Variants in LPP observed in about 807,000 individuals in gnomAD.
LPP encodes the protein lipoma-preferred partner.
In LPP, 38 loss-of-function variants were observed where a neutral mutation model predicts 60.4. That is an observed-to-expected ratio of 0.63 (90% CI 0.49 to 0.83). The LOEUF (loss-of-function observed/expected upper bound fraction) is 0.83, where lower values mean the gene tolerates loss of function less well. LPP is among the 40% of genes least tolerant of loss of function. The probability of loss-of-function intolerance (pLI) is 0.00; values close to 1 mark genes in which losing one functional copy is unlikely to be tolerated. For synonymous variants in LPP, 328 were observed against 290.8 expected (o/e 1.13, Z -1.30); for missense variants, 902 against 783.6 (o/e 1.15, Z -1.80).
chr3:188,311,675 G>T (rs1753501187), intron 2 of LPP, among the ~76,000 whole-genome samples: 1 of 150,106 alleles, frequency 6.7e-6, no homozygotes, highest in African/African-American at 2.5e-5. Flanking sequence ...CTGTCTTGCT[G>T]TCACCCAGGC....
intron 7 of LPP, among the ~76,000 whole-genome samples, chr3:188,680,104 T>C (rs191457485): frequency 3.9e-5 from 6 of 152,242 alleles, no homozygotes; most frequent in African/African-American, 1.4e-4. Flanking sequence ...TTTTGAAAAA[T>C]TGCTATTTTA....
chr3:188,694,978 G>A (rs1053209711), intron 7 of LPP, among the ~76,000 whole-genome samples: 1 of 152,176 alleles, frequency 6.6e-6, no homozygotes, highest in Non-Finnish European at 1.5e-5. Context: ...AGGCACTTTT[G>A]TTGCGGTTAA....
At position 188,872,642 on chromosome 3, in the gene LPP, G is replaced by C; in HGVS notation, c.1590-1G>C. ...AACCAGAACTCTCTCTTCACTTTCA[G>C]GAAATTTGCCCCGCGATGTTCTGTG... On this transcript the variant is annotated splice_acceptor_variant, in intron 10 of 11. Transcript: ENST00000617246. LOFTEE classifies it high-confidence loss of function. 6.2e-7 allele frequency: 1 copy of C among 1,614,076 alleles called. No homozygotes were observed.
At chr3:188,362,370 GTCT>G (rs1021029971) in intron 3 of LPP, among the ~76,000 whole-genome samples, 1 of 152,102 alleles carries the variant, frequency 6.6e-6, no homozygotes, top group African/African-American at 2.4e-5. Context: ...TTTTGTGTTT[GTCT>G]TCTTCTTTAC....
intron 3 of LPP, among the ~76,000 whole-genome samples, chr3:188,374,970 G>A (rs1276981192): frequency 1.3e-5 from 2 of 151,948 alleles, no homozygotes; most frequent in Non-Finnish European, 2.9e-5. Flanking sequence ...ATAATCATGT[G>A]GTTTTTGTCT....
At chr3:188,246,025 G>A (rs565732674) in intron 2 of LPP, among the ~76,000 whole-genome samples, 2 of 152,198 alleles carry the variant, frequency 1.3e-5, no homozygotes, top group East Asian at 3.9e-4. Context: ...CCATAAAATC[G>A]TGTGAAATGA....
intron 6 of LPP, among the ~76,000 whole-genome samples, chr3:188,526,731 A>G (rs898073596): frequency 6.6e-6 from 1 of 152,186 alleles, no homozygotes; most frequent in Non-Finnish European, 1.5e-5. Context: ...TCCTGTGAGC[A>G]GTAAAAATAT....
chr3:188,448,364 A>AGAT (rs1216099102), intron 4 of LPP, among the ~76,000 whole-genome samples: 66 of 2,382 alleles, frequency 0.028, no homozygotes, highest in Admixed American at 0.16. Context: ...AACACATAAT[A>AGAT]GATAATAATA....
intron 2 of LPP, among the ~76,000 whole-genome samples, chr3:188,231,685 C>T (rs1720036431): frequency 6.6e-6 from 1 of 151,834 alleles, no homozygotes; most frequent in Admixed American, 6.6e-5. Context: ...CAGCTCCTCT[C>T]TGTGCCCCGC....
intron 8 of LPP, among the ~76,000 whole-genome samples, chr3:188,738,106 G>A (rs1399442908): frequency 6.6e-6 from 1 of 151,916 alleles, no homozygotes; most frequent in Non-Finnish European, 1.5e-5. Context: ...ATTTGAGTAG[G>A]ATATTGGAAT....
intron 1 of LPP, among the ~76,000 whole-genome samples, chr3:188,220,716 C>T (rs1449280264): frequency 1.3e-5 from 2 of 152,184 alleles, no homozygotes; most frequent in African/African-American, 4.8e-5. Context: ...TCACTGAAGG[C>T]AGAGTGGTAG....
chr3:188,625,009 T>G (rs757269409), intron 7 of LPP, among the ~76,000 whole-genome samples: 8 of 152,108 alleles, frequency 5.3e-5, no homozygotes. Context: ...GAGGGAAGTC[T>G]TAGGTTTCTA....
chr3:188,474,389 A>AATGCATTGACAATGCATTGAC (rs1553907952), intron 4 of LPP, among the ~76,000 whole-genome samples: 3 of 151,362 alleles, frequency 2.0e-5, no homozygotes, highest in East Asian at 2.0e-4. Flanking sequence ...TGTCATTGAC[A>AATGCATTGACAATGCATTGAC]ATGCATTGAC....
At chr3:188,386,753 A>T (rs945790600) in intron 3 of LPP, among the ~76,000 whole-genome samples, 2 of 152,194 alleles carry the variant, frequency 1.3e-5, no homozygotes, top group African/African-American at 4.8e-5. Context: ...GATGCCCATT[A>T]TTCTGTTCAA....
intron 3 of LPP, among the ~76,000 whole-genome samples, chr3:188,359,661 A>G (rs1432518297): frequency 3.3e-5 from 5 of 152,096 alleles, no homozygotes; most frequent in Admixed American, 2.6e-4. Flanking sequence ...CTCTTCCTCT[A>G]TACGTGAGGA....
chr3:188,760,435 T>C (rs992451890), intron 9 of LPP, among the ~76,000 whole-genome samples, 153 bp downstream of exon 9: 190 of 151,196 alleles, frequency 1.3e-3, no homozygotes, highest in African/African-American at 4.5e-3. Flanking sequence ...TGTGTGTGTG[T>C]GCGTGCGCGC....
At chr3:188,859,625 G>A (rs1163792614) in intron 9 of LPP, among the ~76,000 whole-genome samples, 1 of 152,188 alleles carries the variant, frequency 6.6e-6, no homozygotes, top group Non-Finnish European at 1.5e-5. Flanking sequence ...CAATATTAGA[G>A]TAAGTGAGGA....
At position 188,760,439 on chromosome 3, in the gene LPP, T is replaced by TGTGTGCAC. The variant is rs55988915; in HGVS notation, c.1410+158_1410+159insTGTGCACG. The stretch of plus-strand genomic sequence containing the variant: ...GTGTGTGTGTGTGTGTGTGTGTGCG[T>TGTGTGCAC]GCGCGCATGTAAATTAGCATATTGT... On this transcript the variant is annotated intron_variant, in intron 9 of 11. Transcript: ENST00000617246. Among the ~76,000 whole-genome samples, 934 of 150,032 alleles carry TGTGTGCAC rather than the reference T, an allele frequency of 6.2e-3. 5 individuals carry two copies. The highest frequency in any genetic ancestry group is 0.023 in the African/African-American group (908 of 40,046).
intron 2 of LPP, among the ~76,000 whole-genome samples, chr3:188,237,440 C>T (rs1430879382): frequency 6.6e-6 from 1 of 152,178 alleles, no homozygotes; most frequent in Non-Finnish European, 1.5e-5. Flanking sequence ...TTTCAATTTA[C>T]TTTGTCCGCA....
Sources: gnomAD v4.1 joint callset for allele counts (sites outside exome capture counted in the v4.1 genomes callset) on GRCh38, gnomAD v4.1.1 for gene constraint, MANE v1.5 for transcripts, NCBI Gene and HGNC (gene_info 2026-07-23, HGNC 2026-07-21) for gene names.